Variants in BAZ1A observed in about 807,000 individuals in gnomAD.
BAZ1A encodes bromodomain adjacent to zinc finger domain protein 1A.
Under a neutral mutation model 185.2 loss-of-function variants are expected in BAZ1A, and 50 were observed. The observed-to-expected ratio is 0.27, with a 90% confidence interval of 0.22 to 0.34. The LOEUF (loss-of-function observed/expected upper bound fraction) is 0.34. Ranked by LOEUF, BAZ1A falls within the 10% of genes least tolerant of loss-of-function variation. The probability of loss-of-function intolerance (pLI) is 1.00; values close to 1 mark genes in which losing one functional copy is unlikely to be tolerated. For synonymous variants in BAZ1A, 571 were observed against 615.6 expected, an observed-to-expected ratio of 0.93 and a Z score of 1.07; for missense variants, 1,356 against 1,839.9, an observed-to-expected ratio of 0.74 and a Z score of 4.81.
chr14:34,865,142 G>A (rs923285862), intron 2 of BAZ1A, among the ~76,000 whole-genome samples: 16 of 152,016 alleles, frequency 1.1e-4, no homozygotes, highest in East Asian at 1.9e-4. Context: ...GAGCTACTCC[G>A]GAGGCCGAGG....
chr14:34,797,305 A>C (rs1881248935), intron 9 of BAZ1A, among the ~76,000 whole-genome samples: 1 of 152,172 alleles, frequency 6.6e-6, no homozygotes. Context: ...CATGCCTGTA[A>C]TCCTAGCACT....
At chr14:34,793,557 C>A (rs1292685330) in intron 11 of BAZ1A, among the ~76,000 whole-genome samples, 1 of 152,090 alleles carries the variant, frequency 6.6e-6, no homozygotes, top group Non-Finnish European at 1.5e-5. Context: ...GCCTGTAATC[C>A]CAGCACTTTG....
In BAZ1A at chr14:34,789,469, C is replaced by T. The variant is rs190561868; in HGVS notation, c.1511-3248G>A. Among the ~76,000 whole-genome samples, 11 of 152,188 alleles carry T rather than the reference C, an allele frequency of 7.2e-5. No individual in the cohort carries two copies. The East Asian group carries it at 1.5e-3, about 21-fold the overall frequency. ...TGATAGTCACTTGGGTACATCACAA[C>T]GAAGAGAATATAGTTGAATTATATC... On this transcript the variant is annotated intron_variant, in intron 12 of 26. Transcript: ENST00000360310.
At chr14:34,778,134 T>C (rs1436912560) in intron 17 of BAZ1A, among the ~76,000 whole-genome samples, 1 of 152,214 alleles carries the variant, frequency 6.6e-6, no homozygotes, top group Non-Finnish European at 1.5e-5. Flanking sequence ...TTTCCCATAG[T>C]AGGCACAACT....
intron 3 of BAZ1A, chr14:34,828,505 A>G (rs1265257128): frequency 6.6e-6 from 1 of 152,030 alleles, no homozygotes; most frequent in Non-Finnish European, 1.5e-5. Flanking sequence ...GATTTCCAAA[A>G]CTTTCTCGTT....
intron 4 of BAZ1A, among the ~76,000 whole-genome samples, chr14:34,817,243 T>C (rs1011639696): frequency 1.3e-5 from 2 of 150,556 alleles, no homozygotes; most frequent in Admixed American, 1.3e-4. Flanking sequence ...CCCCCCCAAA[T>C]ATATCAAGAT....
At chr14:34,802,487 C>T (rs545271240) in intron 7 of BAZ1A, among the ~76,000 whole-genome samples, 3 of 152,332 alleles carry the variant, frequency 2.0e-5, no homozygotes, top group African/African-American at 7.2e-5. Context: ...CCACTGTGCC[C>T]GGCTGCATTA....
chr14:34,818,652 T>C (rs568178075), intron 4 of BAZ1A, among the ~76,000 whole-genome samples: 5 of 152,282 alleles, frequency 3.3e-5, no homozygotes, highest in African/African-American at 1.2e-4. Flanking sequence ...TTCATAAGTT[T>C]TAAATTGCAT....
chr14:34,858,572 C>T (rs1347771088), intron 3 of BAZ1A, among the ~76,000 whole-genome samples: 1 of 152,106 alleles, frequency 6.6e-6, no homozygotes, highest in Non-Finnish European at 1.5e-5. Context: ...GCCTTAGCCT[C>T]CCAAAGTGCT....
Position 34,780,083 on chromosome 14 carries a change from C to T in BAZ1A, c.2236+103G>A. 2.7e-6 allele frequency: 4 copies of T among 1,469,242 alleles called. No homozygotes were observed. The South Asian group carries it at 3.7e-5, about 14-fold the overall frequency. The allele number at this position is 1,469,242 out of a possible 1,614,324, so 91.0% of individuals were successfully genotyped here. On this transcript the variant is annotated intron_variant, in intron 17 of 26. Coordinates refer to ENST00000360310, the MANE Select transcript of BAZ1A (RefSeq NM_013448.3). ...AAAAAACAAACACAGCCTGGAATCA[C>T]AAATGAAAGCAATCAATATATTTCA...
chr14:34,832,745 G>C (rs754101739), intron 3 of BAZ1A, among the ~76,000 whole-genome samples: 2 of 152,150 alleles, frequency 1.3e-5, no homozygotes, highest in Non-Finnish European at 2.9e-5. Context: ...AACTGCTACA[G>C]AGAACAGTTT....
Position 34,847,201 on chromosome 14 carries a change from G to A in BAZ1A, c.392+14843C>T, listed in dbSNP as rs150190541. ...AGGAGGTAGAGGTTTGCAGTGAGCC[G>A]ATATCCAGACTGGGTGACAGAGCGA... On this transcript the variant is annotated intron_variant, in intron 3 of 26. Coordinates refer to ENST00000360310, the MANE Select transcript of BAZ1A (RefSeq NM_013448.3). Among the ~76,000 whole-genome samples, 32 of 150,150 alleles carry A rather than the reference G, an allele frequency of 2.1e-4. No homozygotes were observed. In the East Asian group the frequency reaches 3.3e-3, roughly 16 times the overall value.
intron 17 of BAZ1A, among the ~76,000 whole-genome samples, chr14:34,778,761 G>A (rs372134745): frequency 1.3e-5 from 2 of 151,980 alleles, no homozygotes; most frequent in African/African-American, 4.8e-5. Context: ...TATTATGATT[G>A]CCCTCTTTAT....
At chr14:34,836,066 T>C (rs1424594278) in intron 3 of BAZ1A, among the ~76,000 whole-genome samples, 1 of 151,748 alleles carries the variant, frequency 6.6e-6, no homozygotes, top group African/African-American at 2.4e-5. Flanking sequence ...AAAAATTCAA[T>C]GGACCAAAAG....
intron 25 of BAZ1A, among the ~76,000 whole-genome samples, chr14:34,758,345 G>T (rs912523659): frequency 1.3e-5 from 2 of 151,072 alleles, no homozygotes; most frequent in African/African-American, 2.4e-5. Context: ...ACTTTGGGGG[G>T]CCGAGGTGGG....
chr14:34,862,155 C>T lies in BAZ1A; in HGVS notation c.281G>A (p.Ser94Asn), dbSNP rs760580850. 1.2e-6 allele frequency: 2 copies of T among 1,614,032 alleles called. No homozygotes were observed. The highest frequency in any genetic ancestry group is 3.3e-5 in the Admixed American group (2 of 59,988). Residue 94 changes from serine to asparagine, a missense_variant, in exon 3 of 27, where the codon AGC (serine) becomes AAC (asparagine). By Grantham distance (46) the Ser-to-Asn change is conservative. Coordinates refer to ENST00000360310, the MANE Select transcript of BAZ1A (RefSeq NM_013448.3). Reference protein sequence around the residue: ...PLIIPVLYLTSLTHRSRLHEI... With the variant: ...PLIIPVLYLTNLTHRSRLHEI... ...ATGTAAGCGCGAACGATGGGTAAGG[C>T]TGGTCAAGTATAAAACTGGAATAAT...
At chr14:34,835,703 T>A (rs1200406) in intron 3 of BAZ1A, among the ~76,000 whole-genome samples, 50 of 150,172 alleles carry the variant, frequency 3.3e-4, no homozygotes, top group African/African-American at 1.2e-3. Context: ...ACAGAGTTTC[T>A]CTCTTGTTGC....
intron 12 of BAZ1A, among the ~76,000 whole-genome samples, chr14:34,791,896 G>C (rs184698985): frequency 1.1e-4 from 17 of 152,202 alleles, no homozygotes; most frequent in Admixed American, 7.2e-4. Context: ...ATATGAAAAG[G>C]TTTGCCTCAA....
intron 3 of BAZ1A, among the ~76,000 whole-genome samples, chr14:34,839,203 A>G (rs896913325): frequency 6.6e-6 from 1 of 152,204 alleles, no homozygotes; most frequent in African/African-American, 2.4e-5. Flanking sequence ...GTGGAGGTTC[A>G]TAGAAACGCT....
Sources: allele counts gnomAD v4.1 joint callset (sites outside exome capture counted in the v4.1 genomes callset), GRCh38; gene constraint gnomAD v4.1.1; transcripts MANE v1.5; gene names NCBI Gene and HGNC (gene_info 2026-07-23, HGNC 2026-07-21).